DSCAM: variants seen among roughly 807,000 people sequenced by gnomAD.
DSCAM encodes DS cell adhesion molecule.
Under a neutral mutation model 217.7 loss-of-function variants are expected in DSCAM, and 47 were observed. The observed-to-expected ratio is 0.22, with a 90% CI of 0.17 to 0.28. The LOEUF (loss-of-function observed/expected upper bound fraction) is 0.28. Among genes scored for constraint, DSCAM ranks in the 10% least tolerant of loss-of-function variants. DSCAM has a pLI of 1.00. For synonymous variants in DSCAM, 1,056 were observed against 1,015.3 expected, an observed-to-expected ratio of 1.04 and a Z score of -0.76; for missense variants, 2,080 against 2,618.3, an observed-to-expected ratio of 0.79 and a Z score of 4.49.
chr21:40,122,808 G>A (rs774542625), intron 20 of DSCAM, among the ~76,000 whole-genome samples: 2 of 152,120 alleles, frequency 1.3e-5, no homozygotes, highest in East Asian at 1.9e-4. Context: ...AGCAACAGAC[G>A]GAACTTCATG....
At chr21:40,113,672 C>T (rs2089929599) in intron 20 of DSCAM, among the ~76,000 whole-genome samples, 2 of 152,180 alleles carry the variant, frequency 1.3e-5, no homozygotes, top group South Asian at 4.1e-4. Flanking sequence ...CCCATCGTCT[C>T]AGCCCAAAAT....
intron 20 of DSCAM, among the ~76,000 whole-genome samples, chr21:40,120,916 T>C (rs2090026171): frequency 6.6e-6 from 1 of 152,186 alleles, no homozygotes; most frequent in Non-Finnish European, 1.5e-5. Flanking sequence ...TTTAACAGGG[T>C]TCTTTCCCAA....
At chr21:40,433,075 T>C (rs1419862830) in intron 3 of DSCAM, among the ~76,000 whole-genome samples, 1 of 152,080 alleles carries the variant, frequency 6.6e-6, no homozygotes, top group Non-Finnish European at 1.5e-5. Flanking sequence ...CCTGTCAAAA[T>C]GAGCCGGGCA....
At chr21:40,185,102 TGGA>T (rs2090879217) in intron 14 of DSCAM, among the ~76,000 whole-genome samples, 1 of 152,154 alleles carries the variant, frequency 6.6e-6, no homozygotes, top group Admixed American at 6.5e-5. Context: ...TCTAGCGTGG[TGGA>T]GGTGAAATGC....
rs76402008 is a variant in DSCAM, at chr21:40,521,386, G to A, written c.509-152141C>T. 5.2e-3 allele frequency among the ~76,000 whole-genome samples: 794 copies of A among 152,138 alleles called. 10 individuals are homozygous for A. The highest frequency in any genetic ancestry group is 0.018 in the African/African-American group (744 of 41,504). ...TTTATTCCCACCCACAGTGTGTAAG[G>A]GTTTCCTTTCTCCACATCCTCAGCA... On this transcript the variant is annotated intron_variant, in intron 3 of 32. Transcript: ENST00000400454.
At chr21:40,712,166 GACACAAC>G (rs1320450533) in intron 1 of DSCAM, among the ~76,000 whole-genome samples, 4 of 152,166 alleles carry the variant, frequency 2.6e-5, no homozygotes, top group Non-Finnish European at 5.9e-5. Flanking sequence ...ATAAGGCAAT[GACACAAC>G]TAAGACTCTC....
At chr21:40,357,343 TGG>T (rs1474509236) in intron 4 of DSCAM, among the ~76,000 whole-genome samples, 1 of 152,196 alleles carries the variant, frequency 6.6e-6, no homozygotes, top group African/African-American at 2.4e-5. Flanking sequence ...CACTGATCTC[TGG>T]CATCTTCTAG....
At chr21:40,655,785 A>G (rs993761760) in intron 3 of DSCAM, among the ~76,000 whole-genome samples, 10 of 152,086 alleles carry the variant, frequency 6.6e-5, no homozygotes, top group African/African-American at 1.9e-4. Context: ...CTGGCATGGT[A>G]GGTCATGCCT....
At chr21:40,777,629 T>C (rs967536472) in intron 1 of DSCAM, among the ~76,000 whole-genome samples, 1 of 152,068 alleles carries the variant, frequency 6.6e-6, no homozygotes, top group Non-Finnish European at 1.5e-5. Context: ...AGAATTGTGA[T>C]GAAGAATGTG....
chr21:40,042,609 C>G lies in DSCAM; in HGVS notation c.5448G>C (p.Arg1816Ser). 1 of 1,613,984 alleles carries G rather than the reference C, an allele frequency of 6.2e-7. No individual in the cohort carries two copies. The highest frequency in any genetic ancestry group is 8.5e-7 in the Non-Finnish European group (1 of 1,180,016). The change falls in exon 32 of 33, where the codon AGG becomes AGC. Residue 1816 changes from arginine to serine, a missense_variant. Transcript: ENST00000400454. ...SASSTYEELA[R>S]AYEHAKMEEQ... Reference sequence around the variant, plus strand: ...CTTCCATCTTGGCGTGTTCGTAGGCCCTGGCCAGTTCTTCGTAAGTGGAGG... The same window carrying G: ...CTTCCATCTTGGCGTGTTCGTAGGCGCTGGCCAGTTCTTCGTAAGTGGAGG...
intron 3 of DSCAM, among the ~76,000 whole-genome samples, chr21:40,594,361 T>C (rs2077005705): frequency 6.6e-6 from 1 of 152,160 alleles, no homozygotes; most frequent in East Asian, 1.9e-4. Flanking sequence ...CTTATCACAA[T>C]AGCGGACAGG....
intron 3 of DSCAM, among the ~76,000 whole-genome samples, chr21:40,564,636 C>T (rs990253048): frequency 6.6e-6 from 1 of 152,140 alleles, no homozygotes; most frequent in Non-Finnish European, 1.5e-5. Context: ...GTTCCTTTCT[C>T]TAGGTCTGTC....
chr21:40,537,142 G>A (rs1470135484), intron 3 of DSCAM, among the ~76,000 whole-genome samples: 1 of 152,180 alleles, frequency 6.6e-6, no homozygotes, highest in Non-Finnish European at 1.5e-5. Flanking sequence ...ACCCATGAAA[G>A]TCCCTTAGCA....
chr21:40,603,654 C>A (rs2077079278), intron 3 of DSCAM, among the ~76,000 whole-genome samples: 2 of 152,152 alleles, frequency 1.3e-5, no homozygotes, highest in South Asian at 4.2e-4. Flanking sequence ...ATCTTTATTT[C>A]TCCTTCACTT....
rs150206576 is a variant in DSCAM at position 40,017,709 on chromosome 21, G to A, written c.5687-4323C>T. ...TGGGATTACAGGCATGCACCACCACGCCTGGCTAATTTTTGTATTTTTAGT... is the reference window on the plus strand; with the variant it reads ...TGGGATTACAGGCATGCACCACCACACCTGGCTAATTTTTGTATTTTTAGT... On this transcript the variant is annotated intron_variant, in intron 32 of 32. Coordinates refer to ENST00000400454, the MANE Select transcript of DSCAM (RefSeq NM_001389.5). Among the ~76,000 whole-genome samples, 450 of 152,004 alleles carry A rather than the reference G, an allele frequency of 3.0e-3. 4 individuals carry two copies. Among genetic ancestry groups the A allele is most frequent in the African/African-American group, 8.0e-3 (333 of 41,462 alleles).
chr21:40,271,929 A>C (rs1489664555), intron 11 of DSCAM, among the ~76,000 whole-genome samples: 4 of 152,058 alleles, frequency 2.6e-5, no homozygotes, highest in Non-Finnish European at 5.9e-5. Context: ...TCAATATCTC[A>C]TCCTTTCCCC....
intron 3 of DSCAM, among the ~76,000 whole-genome samples, chr21:40,526,269 G>GT (rs1457207991): frequency 2.0e-5 from 3 of 152,078 alleles, no homozygotes; most frequent in South Asian, 2.1e-4. Context: ...GCAGAACTTA[G>GT]TTTTTTTCAG....
At chr21:40,397,546 C>G (rs1307237421) in intron 3 of DSCAM, among the ~76,000 whole-genome samples, 1 of 152,118 alleles carries the variant, frequency 6.6e-6, no homozygotes, top group Admixed American at 6.6e-5. Flanking sequence ...GCCAATTAAA[C>G]CTCTTTTCTT....
intron 28 of DSCAM, among the ~76,000 whole-genome samples, chr21:40,058,240 C>T (rs568126114): frequency 6.6e-5 from 10 of 152,190 alleles, no homozygotes; most frequent in African/African-American, 2.4e-4. Context: ...TCCCCTGCTA[C>T]CCCCAAAACC....
Sources: allele counts gnomAD v4.1 joint callset (sites outside exome capture counted in the v4.1 genomes callset), GRCh38; gene constraint gnomAD v4.1.1; transcripts MANE v1.5; gene names NCBI Gene and HGNC (gene_info 2026-07-23, HGNC 2026-07-21).